NBEA: variants seen among roughly 807,000 people sequenced by gnomAD.
NBEA encodes the protein neurobeachin.
NBEA carries 44 observed loss-of-function variants against 343.4 expected under a neutral mutation model. The ratio of observed to expected loss-of-function variants is 0.13; its 90% CI spans 0.10 to 0.16. The LOEUF (loss-of-function observed/expected upper bound fraction) is 0.16, where lower values mean the gene tolerates loss of function less well. NBEA is among the 10% of genes least tolerant of loss of function. NBEA has a pLI of 1.00. For missense variants in NBEA, 2,555 were observed against 3,631.3 expected, an observed-to-expected ratio of 0.70 and a Z score of 7.62; for synonymous variants, 1,175 against 1,238.7, an observed-to-expected ratio of 0.95 and a Z score of 1.08.
At chr13:35,096,781 G>A (rs189553703) in intron 10 of NBEA, among the ~76,000 whole-genome samples, 5 of 151,860 alleles carry the variant, frequency 3.3e-5, no homozygotes, top group Admixed American at 2.0e-4. Context: ...GCAATTATTC[G>A]TGAAGTGGCC....
intron 18 of NBEA, among the ~76,000 whole-genome samples, chr13:35,143,836 T>C: frequency 6.7e-6 from 1 of 149,702 alleles, no homozygotes; most frequent in Non-Finnish European, 1.5e-5. Context: ...TGCACTGAGC[T>C]GAGATCGCGC....
intron 38 of NBEA, among the ~76,000 whole-genome samples, chr13:35,361,781 C>G (rs2040820747): frequency 1.3e-5 from 2 of 151,982 alleles, no homozygotes; most frequent in Non-Finnish European, 2.9e-5. Context: ...ACTTTTAAAA[C>G]TTAACAATGA....
At chr13:35,228,595 T>G (rs575793527) in intron 33 of NBEA, among the ~76,000 whole-genome samples, 27 of 152,068 alleles carry the variant, frequency 1.8e-4, no homozygotes, top group Non-Finnish European at 3.5e-4. Flanking sequence ...TCTATGTCCA[T>G]GTGTATACAT....
chr13:35,658,763 A>G (rs77594211), intron 55 of NBEA, among the ~76,000 whole-genome samples: 9,669 of 152,258 alleles, frequency 0.064, 336 homozygotes, highest in South Asian at 0.1. Context: ...ACAGTAGTAA[A>G]AAAGTGATCT....
intron 34 of NBEA, among the ~76,000 whole-genome samples, chr13:35,278,092 A>T (rs1032759364): frequency 1.4e-4 from 20 of 147,738 alleles, no homozygotes; most frequent in African/African-American, 2.5e-4. Flanking sequence ...CATCTCAAAA[A>T]ATATATATAT....
chr13:35,124,669 GAT>G (rs1048061494), intron 17 of NBEA, among the ~76,000 whole-genome samples: 1 of 147,480 alleles, frequency 6.8e-6, no homozygotes. Context: ...CATATATGTG[GAT>G]ATATATACAC....
intron 1 of NBEA, among the ~76,000 whole-genome samples, chr13:35,016,279 C>T (rs2061653978): frequency 1.6e-5 from 1 of 63,604 alleles, no homozygotes; most frequent in Non-Finnish European, 3.6e-5. Flanking sequence ...TACATATATA[C>T]ACATACATGT....
At chr13:35,190,849 T>G (rs1463596371) in intron 30 of NBEA, among the ~76,000 whole-genome samples, 2 of 152,102 alleles carry the variant, frequency 1.3e-5, no homozygotes, top group African/African-American at 4.8e-5. Flanking sequence ...AACCAGCTAT[T>G]TTACATATGC....
chr13:35,176,359 T>C (rs965828310), intron 27 of NBEA, among the ~76,000 whole-genome samples: 6 of 152,070 alleles, frequency 3.9e-5, no homozygotes, highest in African/African-American at 1.4e-4. Flanking sequence ...TCCATACAAT[T>C]TTTAACACAC....
intron 1 of NBEA, among the ~76,000 whole-genome samples, chr13:34,955,152 T>C (rs1332842219): frequency 6.6e-6 from 1 of 152,162 alleles, no homozygotes; most frequent in Non-Finnish European, 1.5e-5. Context: ...CATTTTATCT[T>C]GATGACTGTA....
At chr13:35,280,663 A>G (rs2034988978) in intron 34 of NBEA, among the ~76,000 whole-genome samples, 1 of 152,118 alleles carries the variant, frequency 6.6e-6, no homozygotes, top group Non-Finnish European at 1.5e-5. Context: ...CAGATGGAAC[A>G]TAACTGTTTT....
intron 1 of NBEA, among the ~76,000 whole-genome samples, chr13:35,006,545 T>C (rs2061325134): frequency 6.8e-6 from 1 of 147,232 alleles, no homozygotes; most frequent in Non-Finnish European, 1.5e-5. Flanking sequence ...TTTTCCTTTT[T>C]CTAGCCTTTA....
intron 1 of NBEA, among the ~76,000 whole-genome samples, chr13:34,967,892 C>G (rs941973123): frequency 6.6e-6 from 1 of 152,070 alleles, no homozygotes; most frequent in Non-Finnish European, 1.5e-5. Context: ...AATTCTGACA[C>G]TAATTGAAAG....
At chr13:35,668,556 C>T (rs747778011) in intron 58 of NBEA, 37 bp downstream of exon 58, 1 of 1,527,184 alleles carries the variant, frequency 6.5e-7, no homozygotes, top group Non-Finnish European at 8.8e-7. Context: ...TCACTGAGAA[C>T]TGTCATTGAA....
At chr13:35,029,194 A>T (rs893848973) in intron 1 of NBEA, among the ~76,000 whole-genome samples, 1 of 151,526 alleles carries the variant, frequency 6.6e-6, no homozygotes, top group African/African-American at 2.4e-5. Flanking sequence ...ATGATATATA[A>T]CACATATATA....
At position 35,224,083 on chromosome 13, in the gene NBEA, A is replaced by G. The variant is rs561300331; in HGVS notation, c.5649-8409A>G. On this transcript the variant is annotated intron_variant, in intron 33 of 58. Coordinates refer to ENST00000379939, the MANE Select transcript of NBEA (RefSeq NM_001385012.1). Reference sequence around the variant, plus strand: ...AGTAATAATGCATCCAGTTTTTCTCAAACTTGGGATCTGTCTGTTTTCCTC... The same window carrying G: ...AGTAATAATGCATCCAGTTTTTCTCGAACTTGGGATCTGTCTGTTTTCCTC... Among the ~76,000 whole-genome samples the G allele has an allele frequency of 6.8e-4, 103 of 152,184 alleles. 1 individual carries two copies. The highest frequency in any genetic ancestry group is 3.1e-3 in the Admixed American group (47 of 15,274).
chr13:35,004,486 C>CA (rs1363502734), intron 1 of NBEA, among the ~76,000 whole-genome samples: 1 of 152,142 alleles, frequency 6.6e-6, no homozygotes, highest in East Asian at 1.9e-4. Flanking sequence ...AAGCACTGGA[C>CA]AACTAGACTC....
intron 14 of NBEA, 61 bp from the exon 15 acceptor site, chr13:35,118,167 C>T (rs1341100923): frequency 5.4e-6 from 6 of 1,112,800 alleles, no homozygotes; most frequent in African/African-American, 4.8e-5. Flanking sequence ...ATTTTGACAT[C>T]TTTTTTAAAT....
chr13:35,019,395 T>C (rs1447321172), intron 1 of NBEA, among the ~76,000 whole-genome samples: 1 of 151,910 alleles, frequency 6.6e-6, no homozygotes, highest in East Asian at 1.9e-4. Flanking sequence ...CCTCCTGGGT[T>C]CAAGCGATTC....
Sources: gnomAD v4.1 joint callset for allele counts (sites outside exome capture counted in the v4.1 genomes callset) on GRCh38, gnomAD v4.1.1 for gene constraint, MANE v1.5 for transcripts, NCBI Gene and HGNC (gene_info 2026-07-23, HGNC 2026-07-21) for gene names.